The following PTPRD variants were observed in gnomAD, a reference collection of about 807,000 sequenced individuals.
The protein encoded by PTPRD is receptor-type tyrosine-protein phosphatase delta.
PTPRD carries 34 observed loss-of-function variants against 214.5 expected under a neutral mutation model. The observed-to-expected ratio is 0.16, with a 90% CI of 0.12 to 0.21. The LOEUF (loss-of-function observed/expected upper bound fraction) is 0.21. Among genes scored for constraint, PTPRD ranks in the 10% least tolerant of loss-of-function variants. The pLI, the probability that PTPRD is intolerant of heterozygous loss-of-function variation, is 1.00. For missense variants in PTPRD, 2,545 were observed against 2,398.7 expected (o/e 1.06, Z -1.27); for synonymous variants, 1,128 against 845.7 (o/e 1.33, Z -5.79).
chr9:10,101,010 A>C (rs2098546633), intron 3 of PTPRD, among the ~76,000 whole-genome samples: 1 of 151,754 alleles, frequency 6.6e-6, no homozygotes, highest in Non-Finnish European at 1.5e-5. Context: ...CATTATAATT[A>C]ATATTAAATA....
Position 9,925,440 on chromosome 9 carries a change from G to C in PTPRD, c.-368+13067C>G, listed in dbSNP as rs150933253. ...AGGTCTTACATACAGGACCTTGAAGGAGGTTCTATATTATATAAATAATCT... is the reference window on the plus strand; with the variant it reads ...AGGTCTTACATACAGGACCTTGAAGCAGGTTCTATATTATATAAATAATCT... On this transcript the variant is annotated intron_variant, in intron 5 of 45. Coordinates refer to ENST00000381196, the MANE Select transcript of PTPRD (RefSeq NM_002839.4). Among the ~76,000 whole-genome samples the C allele has an allele frequency of 1.9e-3, 290 of 152,180 alleles. 2 individuals carry two copies. Among genetic ancestry groups the C allele is most frequent in the African/African-American group, 6.4e-3 (266 of 41,536 alleles).
At chr9:10,219,394 C>A (rs1183882520) in intron 3 of PTPRD, among the ~76,000 whole-genome samples, 3 of 151,820 alleles carry the variant, frequency 2.0e-5, no homozygotes, top group Non-Finnish European at 2.9e-5. Context: ...TGTCAAGATT[C>A]TTTTTCCAGC....
At chr9:9,626,518 T>G (rs992898928) in intron 7 of PTPRD, among the ~76,000 whole-genome samples, 1 of 152,164 alleles carries the variant, frequency 6.6e-6, no homozygotes, top group Admixed American at 6.6e-5. Context: ...GCACTTTTAG[T>G]TGAATGATTT....
chr9:9,327,366 C>T (rs1189643082), intron 9 of PTPRD, among the ~76,000 whole-genome samples: 1 of 152,064 alleles, frequency 6.6e-6, no homozygotes, highest in South Asian at 2.1e-4. Context: ...TCTAAAACAA[C>T]CGAAATGGAA....
rs563315624 is a variant in PTPRD at position 9,758,995 on chromosome 9, G to A, written c.-326+7815C>T. ...CCAGCAAGAAAGGAATGCTGTCAGAGAATGGAAGGTGGTGTTTAAAGAAAA... is the reference window on the plus strand; with the variant it reads ...CCAGCAAGAAAGGAATGCTGTCAGAAAATGGAAGGTGGTGTTTAAAGAAAA... On this transcript the variant is annotated intron_variant, in intron 6 of 45. Coordinates refer to ENST00000381196, the MANE Select transcript of PTPRD (RefSeq NM_002839.4). 2.8e-4 allele frequency among the ~76,000 whole-genome samples: 42 copies of A among 152,258 alleles called. 2 individuals carry two copies. The East Asian group carries it at 4.4e-3, about 16-fold the overall frequency.
chr9:8,929,833 G>GTA lies in PTPRD; in HGVS notation c.-104+88862_-104+88863dup, dbSNP rs34252958. ...TGTATATATATGTGTATATATATGT[G>GTA]TATATATATGTGTGTATATATATGT... On this transcript the variant is annotated intron_variant, in intron 11 of 45. Transcript: ENST00000381196. Among the ~76,000 whole-genome samples the GTA allele has an allele frequency of 6.2e-5, 6 of 97,318 alleles. 1 individual carries two copies. The highest frequency in any genetic ancestry group is 1.3e-4 in the Non-Finnish European group (6 of 47,466). The allele number at this position is 97,318 out of a possible 152,430, so 63.8% of individuals were successfully genotyped here.
intron 5 of PTPRD, among the ~76,000 whole-genome samples, chr9:9,907,171 G>GTTTTTA (rs989973463): frequency 6.6e-6 from 1 of 151,534 alleles, no homozygotes; most frequent in African/African-American, 2.4e-5. Context: ...CCAGGTTTTT[G>GTTTTTA]TTTTGCGGTG....
intron 8 of PTPRD, among the ~76,000 whole-genome samples, chr9:9,432,370 A>T (rs576687157): frequency 8.5e-5 from 13 of 152,140 alleles, no homozygotes; most frequent in South Asian, 2.1e-4. Flanking sequence ...TTGCATGCTT[A>T]GTTAATATGG....
intron 4 of PTPRD, among the ~76,000 whole-genome samples, chr9:10,005,094 T>C (rs1175702375): frequency 6.6e-6 from 1 of 152,152 alleles, no homozygotes; most frequent in Admixed American, 6.6e-5. Flanking sequence ...CACTATTTCC[T>C]ATAAGATTTT....
At chr9:9,276,375 G>A (rs1268236045) in intron 9 of PTPRD, among the ~76,000 whole-genome samples, 2 of 151,350 alleles carry the variant, frequency 1.3e-5, no homozygotes, top group Non-Finnish European at 3.0e-5. Context: ...GAGAAGAGAA[G>A]AGATGTAGTC....
At position 8,667,112 on chromosome 9, in the gene PTPRD, G is replaced by A. The variant is rs1469867410; in HGVS notation, c.65-30268C>T. ...CCAACACTTTAGGAGGCTGAGGCGG[G>A]CAGATGACCTGAAGTCAGGAGTTCA... On this transcript the variant is annotated intron_variant, in intron 12 of 45. Transcript: ENST00000381196. 8.5e-5 allele frequency among the ~76,000 whole-genome samples: 13 copies of A among 152,196 alleles called. No individual in the cohort carries two copies. The East Asian group carries it at 2.3e-3, about 27-fold the overall frequency.
chr9:8,893,449 C>T (rs1225820527), intron 11 of PTPRD, among the ~76,000 whole-genome samples: 2 of 152,296 alleles, frequency 1.3e-5, no homozygotes, highest in East Asian at 3.9e-4. Flanking sequence ...CCATGATGCT[C>T]AAGCTCAACA....
intron 7 of PTPRD, among the ~76,000 whole-genome samples, chr9:9,656,633 T>C (rs942252950): frequency 1.3e-5 from 2 of 152,152 alleles, no homozygotes; most frequent in Non-Finnish European, 2.9e-5. Context: ...TGCAGAGGAA[T>C]AGGTAGAACA....
At chr9:10,123,525 C>T (rs567729816) in intron 3 of PTPRD, among the ~76,000 whole-genome samples, 2 of 152,276 alleles carry the variant, frequency 1.3e-5, no homozygotes, top group Admixed American at 6.5e-5. Flanking sequence ...CCTAATTATT[C>T]TCTATGATCT....
At chr9:9,878,669 C>G (rs942541666) in intron 5 of PTPRD, among the ~76,000 whole-genome samples, 1 of 152,100 alleles carries the variant, frequency 6.6e-6, no homozygotes, top group African/African-American at 2.4e-5. Context: ...TTTCAAATAG[C>G]ATTGTTAGAA....
intron 9 of PTPRD, among the ~76,000 whole-genome samples, chr9:9,190,436 T>C (rs1161363089): frequency 1.3e-5 from 2 of 152,024 alleles, no homozygotes; most frequent in Admixed American, 1.3e-4. Flanking sequence ...GTTTTGCTTC[T>C]TCCGCATTTT....
In PTPRD at chr9:8,762,382, T is replaced by C. The variant is rs571658608; in HGVS notation, c.-103-28436A>G. ...CATATATCACCTTCATGGAAATATT[T>C]AAAGCATGCAGAAGTCAGCTATGTT... On this transcript the variant is annotated intron_variant, in intron 11 of 45. Coordinates refer to ENST00000381196, the MANE Select transcript of PTPRD (RefSeq NM_002839.4). Among the ~76,000 whole-genome samples, 60 of 152,300 alleles carry C rather than the reference T, an allele frequency of 3.9e-4. 1 individual carries two copies. Among genetic ancestry groups the C allele is most frequent in the Middle Eastern group, 6.8e-3 (2 of 294 alleles).
chr9:9,968,457 T>G (rs899363319), intron 4 of PTPRD, among the ~76,000 whole-genome samples: 2 of 152,206 alleles, frequency 1.3e-5, no homozygotes, highest in African/African-American at 4.8e-5. Flanking sequence ...CATATCTAAT[T>G]ATAACCATTC....
chr9:8,990,595 T>C (rs2154347184), intron 11 of PTPRD, among the ~76,000 whole-genome samples: 1 of 152,244 alleles, frequency 6.6e-6, no homozygotes, highest in South Asian at 2.1e-4. Context: ...TTCCCTCAGG[T>C]GAGTCATAGA....
Sources: allele counts gnomAD v4.1 joint callset (sites outside exome capture counted in the v4.1 genomes callset), GRCh38; gene constraint gnomAD v4.1.1; transcripts MANE v1.5; gene names NCBI Gene and HGNC (gene_info 2026-07-23, HGNC 2026-07-21).